The following SLFN11 variants were observed in gnomAD, a reference collection of about 807,000 sequenced individuals.
SLFN11 encodes schlafen family member 11.
Under a neutral mutation model 53.4 loss-of-function variants are expected in SLFN11, and 43 were observed. That is an observed-to-expected ratio of 0.80 (90% confidence interval 0.63 to 1.04). The LOEUF (loss-of-function observed/expected upper bound fraction) is 1.04, where lower values mean the gene tolerates loss of function less well. Ranked by LOEUF, SLFN11 falls within the 50% of genes least tolerant of loss-of-function variation. The pLI, the probability that SLFN11 is intolerant of heterozygous loss-of-function variation, is 0.00. For missense variants in SLFN11, 990 were observed against 1,079.1 expected (o/e 0.92, Z 1.16); for synonymous variants, 389 against 394.7 (o/e 0.99, Z 0.17).
At chr17:35,363,877 G>A in intron 3 of SLFN11, 51 bp from the exon 4 acceptor site, 1 of 1,406,358 alleles carries the variant, frequency 7.1e-7, no homozygotes, top group East Asian at 2.3e-5. Flanking sequence ...TATTAAAAGG[G>A]TATTTATTTT....
intron 3 of SLFN11, among the ~76,000 whole-genome samples, chr17:35,364,160 G>A (rs1908642537): frequency 6.6e-6 from 1 of 152,152 alleles, no homozygotes; most frequent in African/African-American, 2.4e-5. Context: ...CAGCATTGAA[G>A]AATGGAAGCA....
intron 5 of SLFN11, among the ~76,000 whole-genome samples, chr17:35,354,723 G>A (rs535186715): frequency 2.0e-5 from 3 of 152,110 alleles, no homozygotes; most frequent in Non-Finnish European, 4.4e-5. Flanking sequence ...TATGTGACAC[G>A]AGAATATACT....
chr17:35,352,487 C>T lies in SLFN11; in HGVS notation c.2575G>A (p.Gly859Ser), dbSNP rs746890335. The T allele has an allele frequency of 2.5e-6, 4 of 1,614,182 alleles. No homozygotes were observed. In the South Asian group the frequency reaches 4.4e-5, roughly 18 times the overall value. The part of the protein sequence containing the change: ...IVLDSVRRFS[G>S]LERSIVFGIH... The stretch of plus-strand genomic sequence containing the variant: ...CCAAACACTATGCTCCTTTCCAGGC[C>T]TGAGAATCGCCGAACACTGTCCAAC... The change falls in exon 7 of 7, where the codon GGC (glycine) becomes AGC (serine). Residue 859 changes from glycine (G) to serine (S), a missense_variant. By Grantham distance (56) the Gly-to-Ser change is moderately conservative (BLOSUM62 0). This residue lies in a region of SLFN11 where 313 missense variants were observed against 320.9 expected (regional missense o/e 0.98). Coordinates refer to ENST00000685675, the MANE Select transcript of SLFN11 (RefSeq NM_001376007.1).
chr17:35,352,617 G>A lies in SLFN11; in HGVS notation c.2445C>T (p.Thr815=), dbSNP rs1346385893. 15 of 1,614,004 alleles carry A rather than the reference G, an allele frequency of 9.3e-6. No individual in the cohort carries two copies. The highest frequency in any genetic ancestry group is 8.9e-5 in the East Asian group (4 of 44,880). Residue 815 remains threonine (T), a synonymous_variant, in exon 7 of 7, where the codon ACC becomes ACT. Coordinates refer to ENST00000685675, the MANE Select transcript of SLFN11 (RefSeq NM_001376007.1). ...ACTTATAGTGCTCCACTTCTTTTGCGGTGCTGACAAGCACAGCAACATCCT... is the reference window on the plus strand; with the variant it reads ...ACTTATAGTGCTCCACTTCTTTTGCAGTGCTGACAAGCACAGCAACATCCT... ...SPKDVAVLVS[T]AKEVEHYKYE...
chr17:35,359,072 T>C lies in SLFN11; in HGVS notation c.1198+1171A>G, dbSNP rs545410887. Among the ~76,000 whole-genome samples the C allele has an allele frequency of 5.3e-4, 80 of 152,258 alleles. 3 individuals are homozygous for C. The highest frequency in any genetic ancestry group is 2.3e-3 in the East Asian group (12 of 5,188). ...TTATTTTTCTATGAATTTAGAACAA[T>C]GTAAATAGTGTAAAAAATGCCTATT... is the stretch of plus-strand genomic sequence containing the variant. On this transcript the variant is annotated intron_variant, in intron 5 of 6. Transcript: ENST00000685675.
Position 35,363,243 on chromosome 17 carries a change from G to T in SLFN11, c.565C>A (p.Pro189Thr). 1 of 1,614,058 alleles carries T rather than the reference G, an allele frequency of 6.2e-7. No individual in the cohort carries two copies. Among genetic ancestry groups the T allele is most frequent in the Admixed American group, 1.7e-5 (1 of 60,016 alleles). Residue 189 changes from proline (P) to threonine (T), a missense_variant, in exon 4 of 7, where the codon CCT becomes ACT. Physicochemically the swap from Pro to Thr is conservative, Grantham distance 38 (BLOSUM62 -1). Coordinates refer to ENST00000685675, the MANE Select transcript of SLFN11 (RefSeq NM_001376007.1). ...TCTTTTTGGAAAATTAGGTCAGCAG[G>T]ATCCGAGTTTGGGTCAGCAGGATCC... ...NSDPADPNSDPADLIFQKDYL... is the reference protein window; with the variant it reads ...NSDPADPNSDTADLIFQKDYL...
chr17:35,363,175 CTG>C lies in SLFN11; in HGVS notation c.631_632del (p.Gln211ValfsTer5). On this transcript the variant is annotated frameshift_variant, in exon 4 of 7. Coordinates refer to ENST00000685675, the MANE Select transcript of SLFN11 (RefSeq NM_001376007.1). LOFTEE classifies it high-confidence loss of function. ...TAGAGAACTGTTTAAACTCTACTAA[CTG>C]AGACTCAGGAAAAGGCAGGATTTCA... ...YGEILPFPESQLVEFKQFSTK... is the reference protein window; with the variant it reads ...YGEILPFPESXLVEFKQFSTK... The C allele has an allele frequency of 6.2e-7, 1 of 1,614,014 alleles. No homozygotes were observed. The highest frequency in any genetic ancestry group is 8.5e-7 in the Non-Finnish European group (1 of 1,179,990).
At chr17:35,361,444 C>CCTCA (rs1480635148) in intron 4 of SLFN11, among the ~76,000 whole-genome samples, 3 of 152,030 alleles carry the variant, frequency 2.0e-5, no homozygotes, top group Non-Finnish European at 4.4e-5. Flanking sequence ...CCCCCGTGAC[C>CCTCA]CTCATCACCC....
chr17:35,372,566 C>A (rs1042026105), intron 1 of SLFN11, among the ~76,000 whole-genome samples: 2 of 151,638 alleles, frequency 1.3e-5, no homozygotes, highest in Non-Finnish European at 2.9e-5. Flanking sequence ...TCTCATGTAC[C>A]CCATAAATAT....
intron 1 of SLFN11, among the ~76,000 whole-genome samples, chr17:35,372,279 T>C (rs1196625490): frequency 6.6e-6 from 1 of 151,978 alleles, no homozygotes; most frequent in Admixed American, 6.6e-5. Flanking sequence ...TCAAAACAAT[T>C]GTATTCTAAG....
In SLFN11 at chr17:35,363,684, C is replaced by A; in HGVS notation, c.124G>T (p.Glu42Ter). The A allele has an allele frequency of 6.2e-7, 1 of 1,613,960 alleles. No homozygotes were observed. Residue 42 changes from glutamate (E) to a stop codon, truncating the protein, a stop_gained, in exon 4 of 7, where the codon GAG (glutamate) becomes TAG (stop). Transcript: ENST00000685675. LOFTEE classifies it high-confidence loss of function. ...GCAGCCCGCATAACTCTCTCCTTCT[C>A]TTGGTCTCTCTGAATTTTCTGCAGC... ...KKLQKIQRDQ[E>*]KERVMRAACA...
At position 35,367,595 on chromosome 17, in the gene SLFN11, T is replaced by C. The variant is rs1909113109; in HGVS notation, c.-137+8A>G. 6.6e-6 allele frequency: 1 copy of C among 152,138 alleles called. No individual in the cohort carries two copies. Among genetic ancestry groups the C allele is most frequent in the Non-Finnish European group, 1.5e-5 (1 of 68,028 alleles). 9.4% of individuals were successfully genotyped at this position (152,138 alleles called of 1,614,324 possible). A position where few individuals can be genotyped will look rare whatever the true frequency, so the allele number is the denominator to read the frequency against. The stretch of plus-strand genomic sequence containing the variant: ...TTCTAGTCAGTTTACAGGATAACTT[T>C]TTCAAACCTTTCAGTGTAGCCAGAG... On this transcript the variant is annotated splice_region_variant and intron_variant, in intron 2 of 6. Coordinates refer to ENST00000685675, the MANE Select transcript of SLFN11 (RefSeq NM_001376007.1).
rs1167994845 is a variant in SLFN11, at chr17:35,351,481, G to C, written c.*875C>G. ...CAAGAATAACATAAAACTTAACTAG[G>C]TGTGTTATAGAGCAATGCATAGAAC... On this transcript the variant is annotated 3_prime_UTR_variant, in exon 7 of 7. Coordinates refer to ENST00000685675, the MANE Select transcript of SLFN11 (RefSeq NM_001376007.1). 1 of 152,266 alleles carries C rather than the reference G, an allele frequency of 6.6e-6. No individual in the cohort carries two copies. The highest frequency in any genetic ancestry group is 1.9e-4 in the East Asian group (1 of 5,192). 9.4% of individuals were successfully genotyped at this position (152,266 alleles called of 1,614,324 possible). A position where few individuals can be genotyped will look rare whatever the true frequency, so the allele number is the denominator to read the frequency against.
intron 1 of SLFN11, among the ~76,000 whole-genome samples, chr17:35,371,159 C>A (rs536686200): frequency 1.5e-4 from 23 of 151,946 alleles, no homozygotes; most frequent in Non-Finnish European, 2.9e-4. Flanking sequence ...AACCCAGACA[C>A]AAATACACAC....
chr17:35,353,634 C>A lies in SLFN11; in HGVS notation c.1624G>T (p.Ala542Ser), dbSNP rs1907062027. ...AGGGCTTCCATGTGCTGGGTGCCTG[C>A]AAGGCTATAGGACGCAGGGTAATCC... ...PMDYPASYSL[A>S]GTQHMEALLQ... The change falls in exon 6 of 7, where the codon GCA (alanine) becomes TCA (serine). Residue 542 changes from alanine to serine, a missense_variant. By Grantham distance (99) the Ala-to-Ser change is moderately conservative (BLOSUM62 1). Around this residue, in one of 3 missense-constraint regions of SLFN11, gnomAD observed 156 missense variants for 241.9 expected, o/e 0.64. Transcript: ENST00000685675. The A allele has an allele frequency of 1.8e-6, 2 of 1,142,578 alleles. No individual in the cohort carries two copies. The highest frequency in any genetic ancestry group is 3.5e-5 in the African/African-American group (2 of 56,548). The allele number at this position is 1,142,578 out of a possible 1,614,324, so 70.8% of individuals were successfully genotyped here.
chr17:35,363,658 T>C lies in SLFN11; in HGVS notation c.150A>G (p.Ala50=). 2 of 1,613,916 alleles carry C rather than the reference T, an allele frequency of 1.2e-6. No homozygotes were observed. The highest frequency in any genetic ancestry group is 1.7e-5 in the Admixed American group (1 of 59,998). Residue 50 remains alanine (A), a synonymous_variant, in exon 4 of 7, where the codon GCA becomes GCG. Transcript: ENST00000685675. The part of the protein sequence containing the change: ...DQEKERVMRA[A]CALLNSGGGV... ...CTCCTCCTGAGTTTAATAAAGCACA[T>C]GCAGCCCGCATAACTCTCTCCTTCT...
chr17:35,358,105 A>T (rs1907758879), intron 5 of SLFN11, among the ~76,000 whole-genome samples: 1 of 150,756 alleles, frequency 6.6e-6, no homozygotes, highest in Non-Finnish European at 1.5e-5. Flanking sequence ...AGTATGTAAC[A>T]TTCCCTGATT....
At chr17:35,370,764 A>C (rs1454939917) in intron 1 of SLFN11, among the ~76,000 whole-genome samples, 2 of 152,028 alleles carry the variant, frequency 1.3e-5, no homozygotes, top group Non-Finnish European at 2.9e-5. Flanking sequence ...TAACCAAATA[A>C]ATGAAAGATC....
At chr17:35,358,727 T>A (rs1907829842) in intron 5 of SLFN11, among the ~76,000 whole-genome samples, 1 of 152,102 alleles carries the variant, frequency 6.6e-6, no homozygotes, top group Admixed American at 6.6e-5. Context: ...TGTTGACACA[T>A]GCTTGTATTT....
Sources: gnomAD v4.1 joint callset for allele counts (sites outside exome capture counted in the v4.1 genomes callset) on GRCh38, gnomAD v4.1.1 for gene constraint, gnomAD v4.1.1 regional missense constraint, MANE v1.5 for transcripts, NCBI Gene and HGNC (gene_info 2026-07-23, HGNC 2026-07-21) for gene names.